The following COMMD7 variants were observed in gnomAD, a reference collection of about 807,000 sequenced individuals.
The protein encoded by COMMD7 is COMM domain-containing protein 7.
COMMD7 carries 28 observed loss-of-function variants against 34.8 expected under a neutral mutation model. The observed-to-expected ratio is 0.80, with a 90% confidence interval of 0.60 to 1.10. The LOEUF (loss-of-function observed/expected upper bound fraction) is 1.10, where lower values mean the gene tolerates loss of function less well. Ranked by LOEUF, COMMD7 falls within the 50% of genes least tolerant of loss-of-function variation. The pLI is 0.00. For missense variants in COMMD7, 211 were observed against 241.6 expected (o/e 0.87, Z 0.84); for synonymous variants, 80 against 86.4 (o/e 0.93, Z 0.41).
chr20:32,707,016 G>A (rs999746920), intron 3 of COMMD7, among the ~76,000 whole-genome samples: 4 of 151,016 alleles, frequency 2.6e-5, no homozygotes, highest in South Asian at 2.1e-4. Context: ...GCTCAAGCCT[G>A]TAATCCCAGC....
chr20:32,720,724 T>G (rs1985101968), intron 3 of COMMD7, among the ~76,000 whole-genome samples: 1 of 152,156 alleles, frequency 6.6e-6, no homozygotes, highest in African/African-American at 2.4e-5. Flanking sequence ...AAGAATCACT[T>G]AAGCCCTGGA....
At chr20:32,714,622 G>A (rs1234905071) in intron 3 of COMMD7, among the ~76,000 whole-genome samples, 2 of 151,784 alleles carry the variant, frequency 1.3e-5, no homozygotes, top group African/African-American at 2.4e-5. Flanking sequence ...GCAGGAGTTC[G>A]AGGCCAGCCT....
At chr20:32,705,804 T>G (rs1360020464) in intron 5 of COMMD7, among the ~76,000 whole-genome samples, 2 of 152,178 alleles carry the variant, frequency 1.3e-5, no homozygotes, top group Non-Finnish European at 2.9e-5. Context: ...GTGTATGACA[T>G]GCGCTTGAAG....
intron 5 of COMMD7, among the ~76,000 whole-genome samples, chr20:32,705,714 A>G (rs74822924): frequency 0.019 from 2,960 of 152,222 alleles, 89 homozygotes; most frequent in African/African-American, 0.068. Flanking sequence ...CTCCTGATCC[A>G]TGAAAATGGG....
intron 1 of COMMD7, among the ~76,000 whole-genome samples, 166 bp downstream of exon 1, chr20:32,743,142 A>T (rs1986529559): frequency 6.6e-6 from 1 of 151,508 alleles, no homozygotes; most frequent in South Asian, 2.1e-4. Context: ...ACCCCAGCTC[A>T]CCTTAGCCTC....
intron 1 of COMMD7, among the ~76,000 whole-genome samples, chr20:32,740,974 C>T (rs577908785): frequency 1.2e-4 from 18 of 152,034 alleles, no homozygotes; most frequent in Admixed American, 7.9e-4. Context: ...GAAACGCTGT[C>T]TCTACTAAAA....
intron 5 of COMMD7, among the ~76,000 whole-genome samples, chr20:32,705,807 G>A (rs1984044575): frequency 6.6e-6 from 1 of 152,290 alleles, no homozygotes; most frequent in South Asian, 2.1e-4. Flanking sequence ...TATGACATGC[G>A]CTTGAAGCCA....
chr20:32,719,083 G>A (rs1303238213), intron 3 of COMMD7, among the ~76,000 whole-genome samples: 2 of 152,174 alleles, frequency 1.3e-5, no homozygotes, highest in Non-Finnish European at 2.9e-5. Flanking sequence ...ATGAGGGCCT[G>A]GAGGCTCTTA....
intron 1 of COMMD7, among the ~76,000 whole-genome samples, chr20:32,731,048 GA>G (rs1272717908): frequency 6.6e-6 from 1 of 152,116 alleles, no homozygotes; most frequent in Non-Finnish European, 1.5e-5. Flanking sequence ...AAAAGAAAAC[GA>G]AACTGGGTGT....
intron 1 of COMMD7, among the ~76,000 whole-genome samples, chr20:32,735,129 T>C (rs1228154575): frequency 6.7e-6 from 1 of 149,866 alleles, no homozygotes; most frequent in Non-Finnish European, 1.5e-5. Context: ...TCCCAGCTAC[T>C]TGGGAGGCTG....
rs1404428521 is a variant in COMMD7 at position 32,704,433 on chromosome 20, G to T, written c.477+7C>A. The T allele has an allele frequency of 6.8e-6, 11 of 1,608,312 alleles. No homozygotes were observed. The highest frequency in any genetic ancestry group is 9.3e-6 in the Non-Finnish European group (11 of 1,178,654). ...TACCCATTTTCAAGGATCAGGAGAA[G>T]ACTTACTTGTAAAAATATACTTCCC... On this transcript the variant is annotated splice_region_variant and intron_variant, in intron 7 of 8. Coordinates refer to ENST00000278980, the MANE Select transcript of COMMD7 (RefSeq NM_053041.3).
chr20:32,725,542 C>T (rs948149781), intron 3 of COMMD7, among the ~76,000 whole-genome samples: 3 of 151,144 alleles, frequency 2.0e-5, no homozygotes, highest in African/African-American at 7.3e-5. Context: ...CATTCTCCTG[C>T]CTCAGCCTCC....
chr20:32,703,318 G>A lies in COMMD7; in HGVS notation c.*64C>T, dbSNP rs867234984. 1 of 1,470,538 alleles carries A rather than the reference G, an allele frequency of 6.8e-7. No homozygotes were observed. The highest frequency in any genetic ancestry group is 1.2e-5 in the South Asian group (1 of 84,384). 91.1% of individuals were successfully genotyped at this position (1,470,538 alleles called of 1,614,324 possible). A position where few individuals can be genotyped will look rare whatever the true frequency, so the allele number is the denominator to read the frequency against. ...AGGCCTGTGAGTGAAGTGCCTCTCA[G>A]AGCAGTCACCCAGGGAAGGGAGGAG... On this transcript the variant is annotated 3_prime_UTR_variant, in exon 9 of 9. Coordinates refer to ENST00000278980, the MANE Select transcript of COMMD7 (RefSeq NM_053041.3).
At chr20:32,741,357 A>G (rs182946520) in intron 1 of COMMD7, among the ~76,000 whole-genome samples, 1 of 151,020 alleles carries the variant, frequency 6.6e-6, no homozygotes, top group East Asian at 1.9e-4. Flanking sequence ...AGCTGGGACT[A>G]CTGTGGTAGC....
Position 32,737,379 on chromosome 20 carries a change from A to AAAAAAAAAAAAAAG in COMMD7, c.84+5928_84+5929insCTTTTTTTTTTTTT, listed in dbSNP as rs1387669938. Among the ~76,000 whole-genome samples the AAAAAAAAAAAAAAG allele has an allele frequency of 6.8e-4, 69 of 101,626 alleles. 7 individuals are homozygous for AAAAAAAAAAAAAAG. Among genetic ancestry groups the AAAAAAAAAAAAAAG allele is most frequent in the South Asian group, 3.1e-3 (9 of 2,858 alleles). The allele number at this position is 101,626 out of a possible 152,430, so 66.7% of individuals were successfully genotyped here. A position where few individuals can be genotyped will look rare whatever the true frequency, so the allele number is the denominator to read the frequency against. Reference sequence around the variant, plus strand: ...AGCAAGACTCCGTCTCAAAAAAAAAAGATAAGCCAGGCACGGTGGTACATG... The same window carrying AAAAAAAAAAAAAAG: ...AGCAAGACTCCGTCTCAAAAAAAAAAAAAAAAAAAAAAAGGATAAGCCAGGCACGGTGGTACATG... On this transcript the variant is annotated intron_variant, in intron 1 of 8. Transcript: ENST00000278980.
At chr20:32,721,472 G>T (rs1467389956) in intron 3 of COMMD7, among the ~76,000 whole-genome samples, 1 of 151,280 alleles carries the variant, frequency 6.6e-6, no homozygotes, top group African/African-American at 2.4e-5. Flanking sequence ...TTGCTGGGCA[G>T]GACGGCTTAC....
At position 32,738,712 on chromosome 20, in the gene COMMD7, T is replaced by C. The variant is rs186183329; in HGVS notation, c.84+4596A>G. Reference sequence around the variant, plus strand: ...GCTTGATTACAGGCATGAGCCACCTTGCCTGGCTTTCTGCATGATTTTATT... The same window carrying C: ...GCTTGATTACAGGCATGAGCCACCTCGCCTGGCTTTCTGCATGATTTTATT... On this transcript the variant is annotated intron_variant, in intron 1 of 8. Transcript: ENST00000278980. 3.2e-4 allele frequency among the ~76,000 whole-genome samples: 49 copies of C among 152,082 alleles called. 1 individual carries two copies. The East Asian group carries it at 7.0e-3, about 22-fold the overall frequency.
chr20:32,704,584 A>G (rs942259400), intron 6 of COMMD7, 95 bp from the exon 7 acceptor site: 27 of 1,356,820 alleles, frequency 2.0e-5, no homozygotes, highest in Non-Finnish European at 1.9e-5. Flanking sequence ...GCAGCTGTCC[A>G]GCAGAAGCCA....
intron 1 of COMMD7, among the ~76,000 whole-genome samples, chr20:32,729,035 C>G (rs1461619562): frequency 1.3e-5 from 2 of 152,052 alleles, no homozygotes; most frequent in Non-Finnish European, 2.9e-5. Flanking sequence ...TTGTGTCTCC[C>G]CAAAATTCAT....
Sources: allele counts gnomAD v4.1 joint callset (sites outside exome capture counted in the v4.1 genomes callset), GRCh38; gene constraint gnomAD v4.1.1; transcripts MANE v1.5; gene names NCBI Gene and HGNC (gene_info 2026-07-23, HGNC 2026-07-21).